The following TLK1 variants were observed in gnomAD, a reference collection of about 807,000 sequenced individuals.
The protein encoded by TLK1 is tousled like kinase 1, also known as serine/threonine-protein kinase tousled-like 1.
A neutral mutation model predicts 105.3 loss-of-function variants in TLK1; 24 were observed. That is an observed-to-expected ratio of 0.23 (90% CI 0.17 to 0.32). TLK1 has a LOEUF of 0.32. Ranked by LOEUF, TLK1 falls within the 10% of genes least tolerant of loss-of-function variation. The pLI is 1.00. For synonymous variants in TLK1, 321 were observed against 310.4 expected (o/e 1.03, Z -0.36); for missense variants, 558 against 910.5 (o/e 0.61, Z 4.98).
At chr2:171,207,675 G>A (rs1693531395) in intron 1 of TLK1, among the ~76,000 whole-genome samples, 1 of 152,078 alleles carries the variant, frequency 6.6e-6, no homozygotes, top group Non-Finnish European at 1.5e-5. Flanking sequence ...GATCCTAAAA[G>A]GGCTCTAAAA....
chr2:171,160,152 T>A lies in TLK1; in HGVS notation c.139+138A>T, dbSNP rs1046269619. The A allele has an allele frequency of 1.0e-6, 1 of 1,000,806 alleles. No individual in the cohort carries two copies. Among genetic ancestry groups the A allele is most frequent in the Non-Finnish European group, 1.3e-6 (1 of 780,308 alleles). The allele number at this position is 1,000,806 out of a possible 1,614,324, so 62.0% of individuals were successfully genotyped here. A position where few individuals can be genotyped will look rare whatever the true frequency, so the allele number is the denominator to read the frequency against. On this transcript the variant is annotated intron_variant, in intron 1 of 20. Coordinates refer to ENST00000431350, the MANE Select transcript of TLK1 (RefSeq NM_012290.5). The surrounding 1 kb of genome is among the most constrained non-coding windows in gnomAD (Gnocchi z 4.4). ...CCCAGAGCCGGGGAGCCGGGCGGCC[T>A]CGCGTCCACCTCGCCACCATCCCCC... is the stretch of plus-strand genomic sequence containing the variant.
chr2:171,152,467 C>T (rs1490690281), intron 1 of TLK1, among the ~76,000 whole-genome samples: 2 of 152,160 alleles, frequency 1.3e-5, no homozygotes. Context: ...CATTCAAATC[C>T]TGCCTCTCAA....
intron 12 of TLK1, among the ~76,000 whole-genome samples, chr2:171,028,098 G>A (rs926493103): frequency 6.6e-6 from 1 of 152,166 alleles, no homozygotes. Context: ...GGGAGGTGGA[G>A]GTTGCACTGA....
intron 3 of TLK1, among the ~76,000 whole-genome samples, chr2:171,062,130 T>C (rs187083943): frequency 2.0e-5 from 3 of 152,316 alleles, no homozygotes; most frequent in East Asian, 3.9e-4. Context: ...TGACAAACTT[T>C]CCTGCTTAGT....
chr2:171,185,075 A>G (rs551411817), intron 1 of TLK1, among the ~76,000 whole-genome samples: 6 of 152,170 alleles, frequency 3.9e-5, no homozygotes, highest in East Asian at 3.9e-4. Context: ...TCCTGACCTC[A>G]TGATCTGCCC....
At chr2:171,223,166 A>G (rs1476691258) in intron 1 of TLK1, among the ~76,000 whole-genome samples, 1 of 152,176 alleles carries the variant, frequency 6.6e-6, no homozygotes, top group Non-Finnish European at 1.5e-5. Context: ...ATATACCCAG[A>G]AGTGGGATTG....
intron 5 of TLK1, 31 bp from the exon 6 acceptor site, chr2:171,056,597 T>C (rs772710315): frequency 1.3e-6 from 2 of 1,559,368 alleles, no homozygotes; most frequent in Non-Finnish European, 1.8e-6. Flanking sequence ...GCATTATTAT[T>C]TACTAAAGCA....
intron 1 of TLK1, among the ~76,000 whole-genome samples, chr2:171,143,743 TACTC>T (rs2105582542): frequency 6.6e-6 from 1 of 152,020 alleles, no homozygotes; most frequent in East Asian, 1.9e-4. Flanking sequence ...CACTGGGAAA[TACTC>T]ATGTAATGCA....
chr2:171,114,225 G>A (rs1177406188), intron 2 of TLK1, among the ~76,000 whole-genome samples: 1 of 152,214 alleles, frequency 6.6e-6, no homozygotes, highest in South Asian at 2.1e-4. Context: ...AAGAATGATG[G>A]TGTATGGTAG....
At chr2:171,054,081 C>G in intron 7 of TLK1, 2 of 372,516 alleles carry the variant, frequency 5.4e-6, no homozygotes, top group South Asian at 9.3e-5. Flanking sequence ...TACTGATGTT[C>G]CTCATTATAA....
At chr2:171,220,039 C>A (rs1188034773) in intron 1 of TLK1, among the ~76,000 whole-genome samples, 1 of 152,144 alleles carries the variant, frequency 6.6e-6, no homozygotes, top group Non-Finnish European at 1.5e-5. Context: ...TGGGAGGACA[C>A]AAACATTCTG....
intron 1 of TLK1, among the ~76,000 whole-genome samples, chr2:171,144,266 AG>A (rs1444395779): frequency 6.6e-6 from 1 of 152,220 alleles, no homozygotes. Flanking sequence ...AATAATGAAT[AG>A]AACTAGGCAG....
In TLK1 at chr2:171,160,212, G is replaced by T. The variant is rs1009685217; in HGVS notation, c.139+78C>A. 8 of 1,253,450 alleles carry T rather than the reference G, an allele frequency of 6.4e-6. No homozygotes were observed. Among genetic ancestry groups the T allele is most frequent in the Non-Finnish European group, 8.1e-6 (8 of 991,328 alleles). The allele number at this position is 1,253,450 out of a possible 1,614,324, so 77.6% of individuals were successfully genotyped here. On this transcript the variant is annotated intron_variant, in intron 1 of 20. Transcript: ENST00000431350. This position sits in a 1 kb window ranked among gnomAD's most constrained non-coding sequence, Gnocchi z 4.4. The stretch of plus-strand genomic sequence containing the variant: ...TCTGGCGGAGAAGCCCCGGGGCGGG[G>T]GGGGCGGGGGGGGGGCGCGGGGGTC...
At chr2:171,053,552 G>A (rs779734728) in intron 8 of TLK1, among the ~76,000 whole-genome samples, 3 of 152,012 alleles carry the variant, frequency 2.0e-5, no homozygotes, top group East Asian at 1.9e-4. Flanking sequence ...TAGTAGAAAC[G>A]GGGTTTCACC....
chr2:171,222,961 T>C (rs866518595), intron 1 of TLK1, among the ~76,000 whole-genome samples: 11 of 152,058 alleles, frequency 7.2e-5, no homozygotes, highest in African/African-American at 2.7e-4. Context: ...ATTACAGGCA[T>C]GCACCACCAC....
At position 170,997,742 on chromosome 2, in the gene TLK1, G is replaced by T. The variant is rs554366744; in HGVS notation, c.1986C>A (p.Val662=). 3 of 1,608,818 alleles carry T rather than the reference G, an allele frequency of 1.9e-6. No homozygotes were observed. The highest frequency in any genetic ancestry group is 1.1e-5 in the South Asian group (1 of 89,956). Residue 662 remains valine, a synonymous_variant, in exon 19 of 21, where the codon GTC becomes GTA. Transcript: ENST00000431350. ...TACCATAAAGACACTGAAAGAAGAT[G>T]ACTCCAACCGACCATACATCAACCT... ...SNKVDVWSVG[V]IFFQCLYGRK... is the part of the protein sequence containing the mutation.
chr2:171,116,555 C>A (rs987207292), intron 2 of TLK1, among the ~76,000 whole-genome samples: 1 of 151,996 alleles, frequency 6.6e-6, no homozygotes, highest in Admixed American at 6.6e-5. Flanking sequence ...CAAAAATTAG[C>A]CAGGCATGGT....
At chr2:171,049,971 C>A (rs1344104653) in intron 9 of TLK1, 21 bp from the exon 10 acceptor site, 3 of 1,613,284 alleles carry the variant, frequency 1.9e-6, no homozygotes, top group Non-Finnish European at 1.7e-6. Flanking sequence ...GAAAAAAAAT[C>A]ATCACTCAAT....
At chr2:171,165,084 T>A (rs1692582453), upstream of TLK1, among the ~76,000 whole-genome samples, 1 of 152,058 alleles carries the variant, frequency 6.6e-6, no homozygotes, top group Non-Finnish European at 1.5e-5. Flanking sequence ...GAAGAAGAAA[T>A]CTCAAGAGCA....
Sources: gnomAD v4.1 joint callset for allele counts (sites outside exome capture counted in the v4.1 genomes callset) on GRCh38, gnomAD v4.1.1 for gene constraint, Gnocchi (gnomAD v3.1) non-coding constraint, MANE v1.5 for transcripts, NCBI Gene and HGNC (gene_info 2026-07-23, HGNC 2026-07-21) for gene names.